SYNPR: variants seen among roughly 807,000 people sequenced by gnomAD.
The protein encoded by SYNPR is synaptoporin.
A neutral mutation model predicts 32.9 loss-of-function variants in SYNPR; 23 were observed. The ratio of observed to expected loss-of-function variants is 0.70; its 90% CI spans 0.50 to 0.99. The LOEUF (loss-of-function observed/expected upper bound fraction) is 0.99, where lower values mean the gene tolerates loss of function less well. SYNPR is among the 50% of genes least tolerant of loss of function. The probability of loss-of-function intolerance (pLI) is 0.00; values close to 1 mark genes in which losing one functional copy is unlikely to be tolerated. For synonymous variants in SYNPR, 146 were observed against 135.9 expected, an observed-to-expected ratio of 1.07 and a Z score of -0.52; for missense variants, 318 against 349.3, an observed-to-expected ratio of 0.91 and a Z score of 0.71.
intron 2 of SYNPR, among the ~76,000 whole-genome samples, chr3:63,319,607 G>A (rs2087086550): frequency 1.3e-5 from 2 of 151,840 alleles, no homozygotes; most frequent in African/African-American, 4.8e-5. Context: ...GTAAGACATT[G>A]ATGAAAGAAA....
Position 63,278,336 on chromosome 3 carries a change from G to A in SYNPR, c.-198G>A, listed in dbSNP as rs2086595347. The A allele has an allele frequency of 1.6e-6, 1 of 639,150 alleles. No individual in the cohort carries two copies. Among genetic ancestry groups the A allele is most frequent in the Non-Finnish European group, 2.6e-6 (1 of 377,480 alleles). 39.6% of individuals were successfully genotyped at this position (639,150 alleles called of 1,614,324 possible). ...CCTCGCTGACTCGCTTCGCTTCCCC[G>A]ACGCGCTGGGTTCCCGGAGCGCAGA... On this transcript the variant is annotated 5_prime_UTR_variant, in exon 1 of 6. Transcript: ENST00000478300.
At chr3:63,297,478 G>A (rs894262261) in intron 2 of SYNPR, among the ~76,000 whole-genome samples, 1 of 152,154 alleles carries the variant, frequency 6.6e-6, no homozygotes, top group Non-Finnish European at 1.5e-5. Flanking sequence ...TTTGTTAGCA[G>A]TATATCCCAT....
intron 2 of SYNPR, among the ~76,000 whole-genome samples, chr3:63,327,808 G>A (rs1218277201): frequency 1.3e-5 from 2 of 152,120 alleles, no homozygotes; most frequent in African/African-American, 4.8e-5. Flanking sequence ...GGCTTCTGGG[G>A]TTCCAATAAT....
chr3:63,449,588 A>C (rs958562690), intron 2 of SYNPR, among the ~76,000 whole-genome samples: 3 of 152,178 alleles, frequency 2.0e-5, no homozygotes, highest in African/African-American at 7.2e-5. Context: ...AGAACAGTAC[A>C]GGAAACGCAG....
intron 3 of SYNPR, among the ~76,000 whole-genome samples, chr3:63,532,455 A>G (rs1027465541): frequency 6.6e-6 from 1 of 152,222 alleles, no homozygotes; most frequent in African/African-American, 2.4e-5. Context: ...TTTCTCTGCT[A>G]AAATAAAGAT....
intron 3 of SYNPR, among the ~76,000 whole-genome samples, chr3:63,550,591 T>TA (rs1702482453): frequency 1.3e-5 from 2 of 152,150 alleles, no homozygotes; most frequent in African/African-American, 4.8e-5. Context: ...CTGCATATTT[T>TA]TAAAAATATT....
At chr3:63,587,733 GGGTATCCTTGAGGTAATTTA>G (rs1188543178) in intron 4 of SYNPR, among the ~76,000 whole-genome samples, 4 of 151,930 alleles carry the variant, frequency 2.6e-5, no homozygotes, top group African/African-American at 7.3e-5. Flanking sequence ...TTTGGAGATG[GGGTATCCTTGAGGTAATTTA>G]GGTATCCTTG....
chr3:63,203,051 C>CAT, the SYNPR span, among the ~76,000 whole-genome samples: 25,445 of 93,028 alleles, frequency 0.27, 3,563 homozygotes, highest in African/African-American at 0.37. Context: ...AATATAAATA[C>CAT]ATATATATAT....
intron 2 of SYNPR, among the ~76,000 whole-genome samples, chr3:63,324,215 TG>T (rs2087139899): frequency 6.6e-6 from 1 of 152,136 alleles, no homozygotes; most frequent in Non-Finnish European, 1.5e-5. Flanking sequence ...CATTTTAAGA[TG>T]AGTGAACTGA....
At chr3:63,603,271 A>C (rs1196884038) in intron 4 of SYNPR, among the ~76,000 whole-genome samples, 1 of 152,198 alleles carries the variant, frequency 6.6e-6, no homozygotes, top group Admixed American at 6.6e-5. Flanking sequence ...TTCCAGGTAC[A>C]GAATCATATC....
chr3:63,573,889 A>T (rs1702934225), intron 4 of SYNPR, among the ~76,000 whole-genome samples: 1 of 152,180 alleles, frequency 6.6e-6, no homozygotes, highest in Admixed American at 6.6e-5. Flanking sequence ...GCTTTTGCAA[A>T]GAATATTTAT....
At chr3:63,569,589 G>A (rs4130620) in intron 4 of SYNPR, among the ~76,000 whole-genome samples, 6,098 of 152,344 alleles carry the variant, frequency 0.04, 371 homozygotes, top group African/African-American at 0.13. Flanking sequence ...TTCAAGCTGT[G>A]TTTAAGTACG....
intron 4 of SYNPR, among the ~76,000 whole-genome samples, chr3:63,593,696 C>T (rs1055866321): frequency 3.3e-5 from 5 of 152,164 alleles, no homozygotes; most frequent in Admixed American, 2.0e-4. Flanking sequence ...AGATTCTTCA[C>T]GCATAAAACA....
At chr3:63,222,734 C>A in the SYNPR span, among the ~76,000 whole-genome samples, 3 of 152,254 alleles carry the variant, frequency 2.0e-5, no homozygotes, top group Admixed American at 6.5e-5. Flanking sequence ...CCATGCTGGT[C>A]TCAAACTCCT....
chr3:63,365,133 G>A (rs1266712438), intron 2 of SYNPR, among the ~76,000 whole-genome samples: 2 of 152,178 alleles, frequency 1.3e-5, no homozygotes, highest in Admixed American at 6.5e-5. Context: ...CCAGCAGAGG[G>A]CTGTGGCTTT....
intron 1 of SYNPR, among the ~76,000 whole-genome samples, chr3:63,250,719 C>G (rs1407789543): frequency 6.6e-6 from 1 of 152,160 alleles, no homozygotes; most frequent in Non-Finnish European, 1.5e-5. Flanking sequence ...GAGACCAAGA[C>G]TGCACAGTCA....
At chr3:63,446,980 G>A (rs1559501836) in intron 2 of SYNPR, among the ~76,000 whole-genome samples, 1 of 152,044 alleles carries the variant, frequency 6.6e-6, no homozygotes, top group Non-Finnish European at 1.5e-5. Flanking sequence ...TCAGAGGCAA[G>A]CTTGGTTAAC....
intron 3 of SYNPR, among the ~76,000 whole-genome samples, chr3:63,528,521 C>G (rs150126977): frequency 6.6e-6 from 1 of 152,198 alleles, no homozygotes; most frequent in Non-Finnish European, 1.5e-5. Context: ...ACTCCCAGGG[C>G]GGTTACCATT....
At chr3:63,609,590 C>T (rs1405071366) in intron 5 of SYNPR, among the ~76,000 whole-genome samples, 1 of 152,144 alleles carries the variant, frequency 6.6e-6, no homozygotes, top group African/African-American at 2.4e-5. Context: ...CCAGTTGAAA[C>T]TCTAAGCCAG....
Sources: allele counts gnomAD v4.1 joint callset (sites outside exome capture counted in the v4.1 genomes callset), GRCh38; gene constraint gnomAD v4.1.1; transcripts MANE v1.5; gene names NCBI Gene and HGNC (gene_info 2026-07-23, HGNC 2026-07-21).